Variants in SLC24A2 observed in about 807,000 individuals in gnomAD.
SLC24A2 encodes the protein sodium/potassium/calcium exchanger 2.
Under a neutral mutation model 62.0 loss-of-function variants are expected in SLC24A2, and 36 were observed. The ratio of observed to expected loss-of-function variants is 0.58; its 90% CI spans 0.44 to 0.77. The LOEUF (loss-of-function observed/expected upper bound fraction) is 0.77. Among genes scored for constraint, SLC24A2 ranks in the 30% least tolerant of loss-of-function variants. The pLI, the probability that SLC24A2 is intolerant of heterozygous loss-of-function variation, is 0.00. For missense variants in SLC24A2, 846 were observed against 817.9 expected (o/e 1.03, Z -0.42); for synonymous variants, 358 against 294.0 (o/e 1.22, Z -2.23).
chr9:19,725,645 A>T (rs1363809780), intron 2 of SLC24A2, among the ~76,000 whole-genome samples: 1 of 152,214 alleles, frequency 6.6e-6, no homozygotes, highest in Non-Finnish European at 1.5e-5. Context: ...CAAGAATATA[A>T]TGAGACGGTA....
At chr9:19,998,242 C>CT in the SLC24A2 span, among the ~76,000 whole-genome samples, 3 of 152,130 alleles carry the variant, frequency 2.0e-5, no homozygotes, top group Non-Finnish European at 2.9e-5. Context: ...CAGATGAACT[C>CT]TGAGTGTGCC....
At chr9:19,745,880 ATAGT>A (rs1821817482) in intron 2 of SLC24A2, among the ~76,000 whole-genome samples, 1 of 152,220 alleles carries the variant, frequency 6.6e-6, no homozygotes, top group Non-Finnish European at 1.5e-5. Flanking sequence ...TCTTAAAATC[ATAGT>A]TAGGAAAGTG....
chr9:20,040,357 G>A, the SLC24A2 span, among the ~76,000 whole-genome samples: 1 of 152,224 alleles, frequency 6.6e-6, no homozygotes, highest in Non-Finnish European at 1.5e-5. Context: ...AGAAACTCAT[G>A]CTAATGCTAA....
At chr9:19,907,062 A>C in the SLC24A2 span, among the ~76,000 whole-genome samples, 1 of 152,252 alleles carries the variant, frequency 6.6e-6, no homozygotes, top group African/African-American at 2.4e-5. Context: ...ATGAACATCG[A>C]TGCAAAAATC....
the SLC24A2 span, among the ~76,000 whole-genome samples, chr9:19,831,754 T>G: frequency 6.6e-6 from 1 of 152,218 alleles, no homozygotes; most frequent in Non-Finnish European, 1.5e-5. Flanking sequence ...CCATGCCAAA[T>G]ATTTATTTTC....
intron 7 of SLC24A2, among the ~76,000 whole-genome samples, chr9:19,568,804 G>A (rs1835753118): frequency 6.6e-6 from 1 of 152,122 alleles, no homozygotes; most frequent in African/African-American, 2.4e-5. Context: ...GTTCAACATT[G>A]AAAAGTTATA....
the SLC24A2 span, among the ~76,000 whole-genome samples, chr9:20,144,548 GA>G: frequency 6.6e-6 from 1 of 152,134 alleles, no homozygotes; most frequent in Non-Finnish European, 1.5e-5. Flanking sequence ...TCAGCTTTCT[GA>G]AAAGCATAGC....
intron 4 of SLC24A2, among the ~76,000 whole-genome samples, chr9:19,618,207 G>C (rs938573747): frequency 6.6e-6 from 1 of 152,208 alleles, no homozygotes; most frequent in African/African-American, 2.4e-5. Flanking sequence ...TAGTAGTTGG[G>C]AGGAAGGAGT....
the SLC24A2 span, among the ~76,000 whole-genome samples, chr9:19,878,267 T>C: frequency 6.6e-6 from 1 of 152,136 alleles, no homozygotes; most frequent in Non-Finnish European, 1.5e-5. Flanking sequence ...TTGAGGCCAA[T>C]AGGAAATTGA....
intron 2 of SLC24A2, among the ~76,000 whole-genome samples, chr9:19,663,448 C>A (rs1175189631): frequency 6.6e-6 from 1 of 152,166 alleles, no homozygotes; most frequent in Admixed American, 6.5e-5. Flanking sequence ...AGTCCCCCCA[C>A]CAGCAGAGCC....
At chr9:19,637,850 G>T (rs1323831655) in intron 2 of SLC24A2, among the ~76,000 whole-genome samples, 1 of 152,144 alleles carries the variant, frequency 6.6e-6, no homozygotes, top group Non-Finnish European at 1.5e-5. Context: ...ATATGCGGTG[G>T]GAGAGGACAG....
chr9:20,230,886 A>C, the SLC24A2 span, among the ~76,000 whole-genome samples: 3,533 of 152,288 alleles, frequency 0.023, 146 homozygotes, highest in African/African-American at 0.08. Flanking sequence ...GTAAGTCTTT[A>C]ATCCATCTTC....
the SLC24A2 span, among the ~76,000 whole-genome samples, chr9:20,124,173 A>T: frequency 9.2e-5 from 14 of 152,272 alleles, no homozygotes; most frequent in Non-Finnish European, 1.8e-4. Flanking sequence ...GAGCATAACT[A>T]TACGATTCCT....
the SLC24A2 span, among the ~76,000 whole-genome samples, chr9:20,246,198 A>G: frequency 6.6e-6 from 1 of 152,230 alleles, no homozygotes; most frequent in South Asian, 2.1e-4. Flanking sequence ...TTTCCTGAGC[A>G]CTTATTTTGT....
At chr9:19,562,091 C>T (rs752857434) in intron 7 of SLC24A2, among the ~76,000 whole-genome samples, 22 of 152,106 alleles carry the variant, frequency 1.4e-4, no homozygotes, top group Admixed American at 4.6e-4. Context: ...TTTGCTCCAA[C>T]GATTCTGAGG....
chr9:19,605,020 G>A (rs1399466062), intron 4 of SLC24A2, among the ~76,000 whole-genome samples: 3 of 152,112 alleles, frequency 2.0e-5, no homozygotes, highest in African/African-American at 7.2e-5. Context: ...TGTATAAGTG[G>A]GATTACATAA....
the SLC24A2 span, among the ~76,000 whole-genome samples, chr9:20,075,921 G>A: frequency 6.6e-6 from 1 of 152,214 alleles, no homozygotes; most frequent in East Asian, 1.9e-4. Context: ...ATAAAATGGT[G>A]TCGTATTTGC....
At position 19,781,575 on chromosome 9, in the gene SLC24A2, C is replaced by T. The variant is rs147513890; in HGVS notation, c.930+4362G>A. Among the ~76,000 whole-genome samples the T allele has an allele frequency of 1.5e-3, 221 of 152,158 alleles. 3 individuals are homozygous for T. The highest frequency in any genetic ancestry group is 4.3e-3 in the African/African-American group (179 of 41,538). ...TCTCTGAATCACAAGCAGTAACTGA[C>T]GGGTTTACTTTTAGGATAAGTAGAG... On this transcript the variant is annotated intron_variant, in intron 2 of 10. Coordinates refer to ENST00000341998, the MANE Select transcript of SLC24A2 (RefSeq NM_020344.4).
At chr9:20,100,290 G>A in the SLC24A2 span, among the ~76,000 whole-genome samples, 5,416 of 152,124 alleles carry the variant, frequency 0.036, 125 homozygotes, top group South Asian at 0.1. Flanking sequence ...TGGACTTCCA[G>A]GCTCAAGCCA....
Sources: allele counts gnomAD v4.1 joint callset (sites outside exome capture counted in the v4.1 genomes callset), GRCh38; gene constraint gnomAD v4.1.1; transcripts MANE v1.5; gene names NCBI Gene and HGNC (gene_info 2026-07-23, HGNC 2026-07-21).